OR10W1: variants seen among roughly 807,000 people sequenced by gnomAD.
OR10W1 encodes olfactory receptor family 10 subfamily W member 1.
For missense variants in OR10W1, 406 were observed against 365.8 expected (o/e 1.11, Z -0.90); for synonymous variants, 152 against 151.6 (o/e 1.00, Z -0.02).
rs1480896223 is a variant in OR10W1, at chr11:58,267,345, C to T, written c.514G>A (p.Val172Met). The change falls in exon 1 of 1, where the codon GTG becomes ATG. Residue 172 changes from valine (V) to methionine (M), a missense_variant. Transcript: ENST00000395079. ...AQGIEHFFCD[V>M]PPVMHVVCAQ... The stretch of plus-strand genomic sequence containing the variant: ...CAAACAACATGCATGACTGGTGGCA[C>T]ATCACAAAAGAAGTGCTCAATGCCC... The T allele has an allele frequency of 6.2e-7, 1 of 1,613,990 alleles. No individual in the cohort carries two copies. The highest frequency in any genetic ancestry group is 8.5e-7 in the Non-Finnish European group (1 of 1,179,946).
In OR10W1 at chr11:58,267,283, C is replaced by T. The variant is rs1355421267; in HGVS notation, c.576G>A (p.Val192=). Residue 192 remains valine (V), a synonymous_variant, in exon 1 of 1, where the codon GTG becomes GTA. Coordinates refer to ENST00000395079, the MANE Select transcript of OR10W1 (RefSeq NM_207374.3). The part of the protein sequence containing the change: ...QSHIHEQSVL[V]AAILAIAVPF... The stretch of plus-strand genomic sequence containing the variant: ...GCACAGCAATGGCTAGTATGGCTGC[C>T]ACCAGCACTGACTGCTCATGAATGT... 6.2e-7 allele frequency: 1 copy of T among 1,614,014 alleles called. No homozygotes were observed. Among genetic ancestry groups the T allele is most frequent in the African/African-American group, 1.3e-5 (1 of 74,922 alleles).
chr11:58,267,940 CT>C lies in OR10W1; in HGVS notation c.-83del. 9.9e-7 allele frequency: 1 copy of C among 1,007,816 alleles called. No individual in the cohort carries two copies. The allele number at this position is 1,007,816 out of a possible 1,614,324, so 62.4% of individuals were successfully genotyped here. A position where few individuals can be genotyped will look rare whatever the true frequency, so the allele number is the denominator to read the frequency against. ...TACAAGTACAGAAGGAAGAATCAGACTGAAGATAAATTAAGTTACACTCTGA... is the reference window on the plus strand; with the variant it reads ...TACAAGTACAGAAGGAAGAATCAGACGAAGATAAATTAAGTTACACTCTGA... On this transcript the variant is annotated 5_prime_UTR_variant, in exon 1 of 1. Transcript: ENST00000395079.
In OR10W1 at chr11:58,267,788, A is replaced by G. The variant is rs754037352; in HGVS notation, c.71T>C (p.Leu24Pro). The G allele has an allele frequency of 3.1e-6, 5 of 1,614,090 alleles. No homozygotes were observed. In the Admixed American group the frequency reaches 8.3e-5, roughly 27 times the overall value. The change falls in exon 1 of 1, where the codon CTG becomes CCG. Residue 24 changes from leucine (L) to proline (P), a missense_variant. Leu to Pro is a moderately conservative substitution (Grantham distance 98). Transcript: ENST00000395079. ...CCCAGTGATGATCAAACCATAAACC[A>G]GGCTGACCCCAAGGAAGGACAGAAT... is the stretch of plus-strand genomic sequence containing the variant. ...LHILSFLGVSLVYGLIITGNI... is the reference protein window; with the variant it reads ...LHILSFLGVSPVYGLIITGNI...
Position 58,267,740 on chromosome 11 carries a change from A to C in OR10W1, c.119T>G (p.Ile40Ser). The C allele has an allele frequency of 6.2e-7, 1 of 1,614,190 alleles. No homozygotes were observed. The highest frequency in any genetic ancestry group is 1.1e-5 in the South Asian group (1 of 91,082). Reference sequence around the variant, plus strand: ...TGTGCATAGACAGGTTTCTGTGTGAATGGACACCACAATGAGAATGTTCCC... The same window carrying C: ...TGTGCATAGACAGGTTTCTGTGTGACTGGACACCACAATGAGAATGTTCCC... ...ITGNILIVVSIHTETCLCTSM... is the reference protein window; with the variant it reads ...ITGNILIVVSSHTETCLCTSM... The change falls in exon 1 of 1, where the codon ATT (isoleucine) becomes AGT (serine). Residue 40 changes from isoleucine (I) to serine (S), a missense_variant. Coordinates refer to ENST00000395079, the MANE Select transcript of OR10W1 (RefSeq NM_207374.3).
Position 58,267,807 on chromosome 11 carries a change from A to T in OR10W1, c.52T>A (p.Ser18Thr). 6.2e-7 allele frequency: 1 copy of T among 1,614,196 alleles called. No individual in the cohort carries two copies. Among genetic ancestry groups the T allele is most frequent in the African/African-American group, 1.3e-5 (1 of 75,066 alleles). ...YPSCPELHILSFLGVSLVYGL... is the reference protein window; with the variant it reads ...YPSCPELHILTFLGVSLVYGL... Reference sequence around the variant, plus strand: ...TAAACCAGGCTGACCCCAAGGAAGGACAGAATATGCAGTTCTGGGCAGGAG... The same window carrying T: ...TAAACCAGGCTGACCCCAAGGAAGGTCAGAATATGCAGTTCTGGGCAGGAG... The change falls in exon 1 of 1, where the codon TCC becomes ACC. Residue 18 changes from serine (S) to threonine (T), a missense_variant. Ser to Thr is a moderately conservative substitution (Grantham distance 58). Coordinates refer to ENST00000395079, the MANE Select transcript of OR10W1 (RefSeq NM_207374.3).
At position 58,267,884 on chromosome 11, in the gene OR10W1, A is replaced by G. The variant is rs764456877; in HGVS notation, c.-26T>C. ...CAACACTGAGTGATTTTCCCAGGTAATTGAGCTAACAGTATTTCTCTGTGG... is the reference window on the plus strand; with the variant it reads ...CAACACTGAGTGATTTTCCCAGGTAGTTGAGCTAACAGTATTTCTCTGTGG... On this transcript the variant is annotated 5_prime_UTR_variant, in exon 1 of 1. Transcript: ENST00000395079. The G allele has an allele frequency of 1.9e-6, 3 of 1,555,484 alleles. No individual in the cohort carries two copies. Among genetic ancestry groups the G allele is most frequent in the Admixed American group, 1.7e-5 (1 of 59,398 alleles).
chr11:58,267,346 A>T lies in OR10W1; in HGVS notation c.513T>A (p.Asp171Glu), dbSNP rs766218051. Residue 171 changes from aspartate (D) to glutamate (E), a missense_variant, in exon 1 of 1, where the codon GAT becomes GAA. Physicochemically the swap from Asp to Glu is conservative, Grantham distance 45 (BLOSUM62 2). Coordinates refer to ENST00000395079, the MANE Select transcript of OR10W1 (RefSeq NM_207374.3). ...AAACAACATGCATGACTGGTGGCAC[A>T]TCACAAAAGAAGTGCTCAATGCCCT... ...QAQGIEHFFC[D>E]VPPVMHVVCA... is the part of the protein sequence containing the mutation. 1.2e-5 allele frequency: 19 copies of T among 1,614,032 alleles called. No individual in the cohort carries two copies. In the South Asian group the frequency reaches 2.1e-4, roughly 18 times the overall value.
Position 58,266,947 on chromosome 11 carries a change from G to T in OR10W1, c.912C>A (p.Asn304Lys). 6.5e-7 allele frequency: 1 copy of T among 1,544,700 alleles called. No individual in the cohort carries two copies. The highest frequency in any genetic ancestry group is 8.8e-7 in the Non-Finnish European group (1 of 1,142,136). Residue 304 changes from asparagine (N) to lysine (K), a missense_variant, in exon 1 of 1, where the codon AAC becomes AAA. By Grantham distance (94) the Asn-to-Lys change is moderately conservative. Transcript: ENST00000395079. ...GGCTGTCCCCTCGTCTTTCCTAGCT[G>T]TTCTGGGAAAGGCAGTTCCTGGTAA... ...RVLTRNCLSQ[N>K]S
Position 58,267,855 on chromosome 11 carries a change from C to G in OR10W1, c.4G>C (p.Glu2Gln). M[E>Q]FVFLAYPSCP... ...GAGGGATAGGCCAGGAACACAAATT[C>G]CATCAACACTGAGTGATTTTCCCAG... Residue 2 changes from glutamate to glutamine, a missense_variant, in exon 1 of 1, where the codon GAA (glutamate) becomes CAA (glutamine). Coordinates refer to ENST00000395079, the MANE Select transcript of OR10W1 (RefSeq NM_207374.3). The G allele has an allele frequency of 6.2e-7, 1 of 1,610,386 alleles. No homozygotes were observed. The highest frequency in any genetic ancestry group is 1.1e-5 in the South Asian group (1 of 90,660).
rs764673734 is a variant in OR10W1, at chr11:58,267,655, C to T, written c.204G>A (p.Val68=). Residue 68 remains valine (V), a synonymous_variant, in exon 1 of 1, where the codon GTG becomes GTA. Coordinates refer to ENST00000395079, the MANE Select transcript of OR10W1 (RefSeq NM_207374.3). ...GGGTGTTGGCCAGGATATGGGGCAC[C>T]ACCACTGCAGTGTAGCATATTTCAA... ...SGIEICYTAV[V]VPHILANTLQ... is the part of the protein sequence containing the mutation. 3 of 1,614,118 alleles carry T rather than the reference C, an allele frequency of 1.9e-6. No individual in the cohort carries two copies. The highest frequency in any genetic ancestry group is 3.3e-5 in the Admixed American group (2 of 60,014).
rs567666758 is a variant in OR10W1 at position 58,267,099 on chromosome 11, T to G, written c.760A>C (p.Ser254Arg). The part of the protein sequence containing the change: ...GCCAFMYLCP[S>R]SSYNPKQDRF... ...TCTTGCTTGGGGTTGTAGCTGGAGC[T>G]GGGGCACAGGTACATGAAGGCACAG... The change falls in exon 1 of 1, where the codon AGC becomes CGC. Residue 254 changes from serine (S) to arginine (R), a missense_variant. Coordinates refer to ENST00000395079, the MANE Select transcript of OR10W1 (RefSeq NM_207374.3). 1 of 1,614,102 alleles carries G rather than the reference T, an allele frequency of 6.2e-7. No individual in the cohort carries two copies. The highest frequency in any genetic ancestry group is 1.7e-5 in the Admixed American group (1 of 60,018).
chr11:58,266,966 C>T lies in OR10W1; in HGVS notation c.893G>A (p.Arg298Lys). ...CTAGCTGTTCTGGGAAAGGCAGTTCCTGGTAAGAACTCTCCCTACGGCCCC... is the reference window on the plus strand; with the variant it reads ...CTAGCTGTTCTGGGAAAGGCAGTTCTTGGTAAGAACTCTCCCTACGGCCCC... ...MKGAVGRVLT[R>K]NCLSQNS Residue 298 changes from arginine (R) to lysine (K), a missense_variant, in exon 1 of 1, where the codon AGG becomes AAG. Transcript: ENST00000395079. 1.3e-6 allele frequency: 2 copies of T among 1,559,170 alleles called. No individual in the cohort carries two copies. The highest frequency in any genetic ancestry group is 2.4e-5 in the South Asian group (2 of 83,180).
At position 58,267,717 on chromosome 11, in the gene OR10W1, T is replaced by C. The variant is rs372935563; in HGVS notation, c.142A>G (p.Thr48Ala). Residue 48 changes from threonine (T) to alanine (A), a missense_variant, in exon 1 of 1, where the codon ACA (threonine) becomes GCA (alanine). By Grantham distance (58) the Thr-to-Ala change is moderately conservative. Coordinates refer to ENST00000395079, the MANE Select transcript of OR10W1 (RefSeq NM_207374.3). Reference protein sequence around the residue: ...VSIHTETCLCTSMYYFLGSLS... With the variant: ...VSIHTETCLCASMYYFLGSLS... ...CTGCCCAGGAAATAGTACATGGATG[T>C]GCATAGACAGGTTTCTGTGTGAATG... The C allele has an allele frequency of 1.5e-5, 25 of 1,614,046 alleles. No homozygotes were observed. The highest frequency in any genetic ancestry group is 1.6e-4 in the Middle Eastern group (1 of 6,084).
chr11:58,267,446 G>A lies in OR10W1; in HGVS notation c.413C>T (p.Ala138Val). ...TLTLCVHLVV[A>V]SVISGLFLSL... is the part of the protein sequence containing the mutation. ...CAGGAACAGACCACTGATGACTGAT[G>A]CCACAACCAAGTGGACACAAAGAGT... Residue 138 changes from alanine (A) to valine (V), a missense_variant, in exon 1 of 1, where the codon GCA becomes GTA. Physicochemically the swap from Ala to Val is moderately conservative, Grantham distance 64 (BLOSUM62 0). Coordinates refer to ENST00000395079, the MANE Select transcript of OR10W1 (RefSeq NM_207374.3). The A allele has an allele frequency of 1.2e-6, 2 of 1,613,882 alleles. No homozygotes were observed. The highest frequency in any genetic ancestry group is 1.3e-5 in the African/African-American group (1 of 75,070).
Position 58,267,188 on chromosome 11 carries a change from C to A in OR10W1, c.671G>T (p.Gly224Val), listed in dbSNP as rs201353097. ...AALLKIHSAA[G>V]RHRAFSTCSS... ...GCAGGTGGAGAAGGCCCGGTGGCGG[C>A]CAGCAGCCGAGTGGATCTTGAGCAG... Residue 224 changes from glycine to valine, a missense_variant, in exon 1 of 1, where the codon GGC (glycine) becomes GTC (valine). Physicochemically the swap from Gly to Val is moderately radical, Grantham distance 109. Coordinates refer to ENST00000395079, the MANE Select transcript of OR10W1 (RefSeq NM_207374.3). 6.2e-6 allele frequency: 10 copies of A among 1,614,026 alleles called. No homozygotes were observed. The East Asian group carries it at 2.0e-4, about 32-fold the overall frequency.
In OR10W1 at chr11:58,267,985, T is replaced by A. The variant is rs751705360; in HGVS notation, c.-127A>T. On this transcript the variant is annotated 5_prime_UTR_variant, in exon 1 of 1. Transcript: ENST00000395079. ...ACTCTGAGCCATGAATCTAATGTAA[T>A]CAGCACTGGAGTTAGAAACTGGAAG... 7 of 695,924 alleles carry A rather than the reference T, an allele frequency of 1.0e-5. No homozygotes were observed. The highest frequency in any genetic ancestry group is 1.7e-5 in the Non-Finnish European group (7 of 405,022). 43.1% of individuals were successfully genotyped at this position (695,924 alleles called of 1,614,324 possible).
chr11:58,267,483 GGA>G lies in OR10W1; in HGVS notation c.374_375del (p.Leu125ProfsTer41), dbSNP rs1244104710. On this transcript the variant is annotated frameshift_variant, in exon 1 of 1. Coordinates refer to ENST00000395079, the MANE Select transcript of OR10W1 (RefSeq NM_207374.3). LOFTEE classifies it low-confidence loss of function (END_TRUNC). ...VAICHPLQYP[L>X]LMTLTLCVHL... The stretch of plus-strand genomic sequence containing the variant: ...TGGACACAAAGAGTCAATGTCATGA[GGA>G]GAGGGTACTGCAACGGGTGGCAAAT... 6.2e-7 allele frequency: 1 copy of G among 1,614,118 alleles called. No homozygotes were observed.
Position 58,267,967 on chromosome 11 carries a change from G to C in OR10W1, c.-109C>G. The C allele has an allele frequency of 1.3e-6, 1 of 777,506 alleles. No individual in the cohort carries two copies. The highest frequency in any genetic ancestry group is 1.7e-5 in the South Asian group (1 of 57,488). 48.2% of individuals were successfully genotyped at this position (777,506 alleles called of 1,614,324 possible). ...GAAGATAAATTAAGTTACACTCTGA[G>C]CCATGAATCTAATGTAATCAGCACT... On this transcript the variant is annotated 5_prime_UTR_variant, in exon 1 of 1. Transcript: ENST00000395079.
chr11:58,268,253 G>T lies in OR10W1; in HGVS notation c.-395C>A. 1 of 198,748 alleles carries T rather than the reference G, an allele frequency of 5.0e-6. No homozygotes were observed. Among genetic ancestry groups the T allele is most frequent in the South Asian group, 1.3e-4 (1 of 7,436 alleles). 12.3% of individuals were successfully genotyped at this position (198,748 alleles called of 1,614,324 possible). ...ATTCTTGGGGCTAGAAATCATTAAG[G>T]TAAGGGAGATAAGCCATTTATTCAT... On this transcript the variant is annotated 5_prime_UTR_variant, in exon 1 of 1. Coordinates refer to ENST00000395079, the MANE Select transcript of OR10W1 (RefSeq NM_207374.3).
Sources: allele counts gnomAD v4.1 joint callset, GRCh38; gene constraint gnomAD v4.1.1; transcripts MANE v1.5; gene names NCBI Gene and HGNC (gene_info 2026-07-23, HGNC 2026-07-21).